Variants in CYP3A43 observed in about 807,000 individuals in gnomAD.
The protein encoded by CYP3A43 is cytochrome P450 3A43.
CYP3A43 carries 45 observed loss-of-function variants against 58.0 expected under a neutral mutation model. That is an observed-to-expected ratio of 0.78 (90% CI 0.61 to 0.99). The LOEUF (loss-of-function observed/expected upper bound fraction) is 0.99. Among genes scored for constraint, CYP3A43 ranks in the 50% least tolerant of loss-of-function variants. The probability of loss-of-function intolerance (pLI) is 0.00; values close to 1 mark genes in which losing one functional copy is unlikely to be tolerated. For synonymous variants in CYP3A43, 191 were observed against 201.4 expected (o/e 0.95, Z 0.44); for missense variants, 593 against 591.9 (o/e 1.00, Z -0.02).
chr7:99,844,611 A>G (rs1028034642), intron 4 of CYP3A43, among the ~76,000 whole-genome samples: 2 of 152,178 alleles, frequency 1.3e-5, no homozygotes, highest in Non-Finnish European at 2.9e-5. Context: ...TGTTGTTACT[A>G]TGTGTAGCTT....
At chr7:99,843,070 T>C (rs1447533637) in intron 3 of CYP3A43, among the ~76,000 whole-genome samples, 1 of 152,246 alleles carries the variant, frequency 6.6e-6, no homozygotes, top group South Asian at 2.1e-4. Context: ...GTTTGCATTA[T>C]TTTATGTAAA....
chr7:99,859,238 T>G (rs923056162), intron 9 of CYP3A43, among the ~76,000 whole-genome samples: 1 of 152,200 alleles, frequency 6.6e-6, no homozygotes, highest in Non-Finnish European at 1.5e-5. Context: ...TTTGAGATTC[T>G]GCATTTCTGA....
intron 7 of CYP3A43, among the ~76,000 whole-genome samples, chr7:99,852,286 CT>C (rs1817792202): frequency 6.6e-6 from 1 of 152,180 alleles, no homozygotes; most frequent in South Asian, 2.1e-4. Flanking sequence ...CTCTGCATCC[CT>C]TACAATTCCA....
At position 99,836,547 on chromosome 7, in the gene CYP3A43, G is replaced by GT. The variant is rs1233760677; in HGVS notation, c.165+2dup. Reference sequence around the variant, plus strand: ...GGGAACTATTTTGTTCTACCTTAGGGTAAGTGTTATTTGAGCTCCCTCTTT... The same window carrying GT: ...GGGAACTATTTTGTTCTACCTTAGGGTTAAGTGTTATTTGAGCTCCCTCTTT... On this transcript the variant is annotated splice_donor_variant, in intron 2 of 12. Coordinates refer to ENST00000354829, the MANE Select transcript of CYP3A43 (RefSeq NM_057095.3). LOFTEE classifies it high-confidence loss of function. The GT allele has an allele frequency of 6.3e-7, 1 of 1,578,176 alleles. No individual in the cohort carries two copies. Among genetic ancestry groups the GT allele is most frequent in the Admixed American group, 2.0e-5 (1 of 50,952 alleles).
intron 4 of CYP3A43, among the ~76,000 whole-genome samples, chr7:99,846,328 A>G (rs185324165): frequency 2.0e-5 from 3 of 152,264 alleles, no homozygotes; most frequent in Admixed American, 1.3e-4. Context: ...ATTCACACCT[A>G]AAGTATTTCA....
intron 5 of CYP3A43, 104 bp from the exon 6 acceptor site, chr7:99,848,062 G>A: frequency 8.9e-7 from 1 of 1,119,700 alleles, no homozygotes; most frequent in Non-Finnish European, 1.3e-6. Flanking sequence ...TAGAGGACAT[G>A]GTGAGTCATT....
intron 7 of CYP3A43, among the ~76,000 whole-genome samples, chr7:99,851,508 C>G (rs1199883716): frequency 6.6e-6 from 1 of 152,192 alleles, no homozygotes; most frequent in Non-Finnish European, 1.5e-5. Context: ...GTGAACTGGT[C>G]TCATCGTGAT....
At chr7:99,837,149 C>CA (rs59738486) in intron 2 of CYP3A43, among the ~76,000 whole-genome samples, 7,382 of 80,512 alleles carry the variant, frequency 0.092, 256 homozygotes, top group South Asian at 0.11. Context: ...ACTAAAAATA[C>CA]AAAAAAAAAA....
intron 3 of CYP3A43, among the ~76,000 whole-genome samples, chr7:99,842,108 A>G (rs1817356422): frequency 6.6e-6 from 1 of 152,224 alleles, no homozygotes; most frequent in Non-Finnish European, 1.5e-5. Context: ...TTTTTAAAGG[A>G]CTTATAAAAT....
At chr7:99,846,895 G>A (rs1817558673) in intron 4 of CYP3A43, among the ~76,000 whole-genome samples, 1 of 152,134 alleles carries the variant, frequency 6.6e-6, no homozygotes, top group Non-Finnish European at 1.5e-5. Flanking sequence ...TTGGGAAATA[G>A]CATTCTTTTC....
intron 9 of CYP3A43, among the ~76,000 whole-genome samples, chr7:99,857,655 C>T (rs1818036416): frequency 6.6e-6 from 1 of 152,070 alleles, no homozygotes. Context: ...CCAGCCTGGC[C>T]AACATGGCGA....
rs762771615 is a variant in CYP3A43, at chr7:99,849,647, A to G, written c.623A>G (p.Lys208Arg). ...CAAGATCCCTTTCTGAAAAATATGA[A>G]GAAGCTTTTAAAATTGGATTTTTTG... ...NPQDPFLKNM[K>R]KLLKLDFLDP... is the part of the protein sequence containing the mutation. The change falls in exon 7 of 13, where the codon AAG becomes AGG. Residue 208 changes from lysine to arginine, a missense_variant. Lys to Arg is a conservative substitution (Grantham distance 26). Coordinates refer to ENST00000354829, the MANE Select transcript of CYP3A43 (RefSeq NM_057095.3). The G allele has an allele frequency of 2.5e-6, 4 of 1,611,386 alleles. No homozygotes were observed. In the Admixed American group the frequency reaches 6.7e-5, roughly 27 times the overall value.
At chr7:99,836,663 T>C in intron 2 of CYP3A43, 117 bp downstream of exon 2, 1 of 716,938 alleles carries the variant, frequency 1.4e-6, no homozygotes, top group Non-Finnish European at 2.3e-6. Context: ...CTTTCAGAAA[T>C]GGTGTGTATG....
At chr7:99,840,192 C>A (rs1475014470) in intron 3 of CYP3A43, among the ~76,000 whole-genome samples, 8 of 152,158 alleles carry the variant, frequency 5.3e-5, no homozygotes, top group African/African-American at 1.9e-4. Context: ...GCTGAGGACC[C>A]CTTTGCCCTC....
At chr7:99,861,199 G>A (rs910705519) in intron 10 of CYP3A43, among the ~76,000 whole-genome samples, 1 of 152,140 alleles carries the variant, frequency 6.6e-6, no homozygotes, top group African/African-American at 2.4e-5. Flanking sequence ...CATTTTAAAT[G>A]CTTGTATGAA....
chr7:99,848,187 T>C lies in CYP3A43; in HGVS notation c.454T>C (p.Cys152Arg). The C allele has an allele frequency of 6.2e-7, 1 of 1,614,110 alleles. No homozygotes were observed. Among genetic ancestry groups the C allele is most frequent in the Non-Finnish European group, 8.5e-7 (1 of 1,179,996 alleles). ...FKEMVPIISQ[C>R]GDMLVRSLRQ... The stretch of plus-strand genomic sequence containing the variant: ...TTAGATGGTCCCCATCATTTCCCAA[T>C]GTGGAGATATGTTGGTGAGAAGCCT... Residue 152 changes from cysteine (C) to arginine (R), a missense_variant, in exon 6 of 13, where the codon TGT (cysteine) becomes CGT (arginine). By Grantham distance (180) the Cys-to-Arg change is radical. Transcript: ENST00000354829.
intron 7 of CYP3A43, among the ~76,000 whole-genome samples, chr7:99,850,381 C>T (rs1163747352): frequency 6.6e-6 from 1 of 152,054 alleles, no homozygotes; most frequent in Non-Finnish European, 1.5e-5. Context: ...CCTGCCTCAG[C>T]CTCCCAAGTA....
rs535900012 is a variant in CYP3A43, at chr7:99,848,003, C to T, written c.433-163C>T. 1,479 of 706,880 alleles carry T rather than the reference C, an allele frequency of 2.1e-3. 5 individuals carry two copies. Among genetic ancestry groups the T allele is most frequent in the Non-Finnish European group, 2.4e-3 (1,007 of 427,280 alleles). 43.8% of individuals were successfully genotyped at this position (706,880 alleles called of 1,614,324 possible). A position where few individuals can be genotyped will look rare whatever the true frequency, so the allele number is the denominator to read the frequency against. The stretch of plus-strand genomic sequence containing the variant: ...TCCAGCCTGGGCAACAAGAGCGAAA[C>T]TCTGTCTCAAAAAAAAGGGGCAGGG... On this transcript the variant is annotated intron_variant, in intron 5 of 12. Transcript: ENST00000354829.
chr7:99,844,042 GGAT>G (rs1817444731), intron 3 of CYP3A43, 98 bp from the exon 4 acceptor site: 34 of 879,926 alleles, frequency 3.9e-5, no homozygotes, highest in Non-Finnish European at 5.0e-5. Context: ...CTGCAAGTAT[GGAT>G]GATGGAATGT....
Sources: allele counts gnomAD v4.1 joint callset (sites outside exome capture counted in the v4.1 genomes callset), GRCh38; gene constraint gnomAD v4.1.1; transcripts MANE v1.5; gene names NCBI Gene and HGNC (gene_info 2026-07-23, HGNC 2026-07-21).